AFG2B: variants seen among roughly 807,000 people sequenced by gnomAD.
The protein encoded by AFG2B is ATPase family gene 2 protein homolog B.
At chr15:45,409,462 T>G in the AFG2B span, among the ~76,000 whole-genome samples, 1 of 151,952 alleles carries the variant, frequency 6.6e-6, no homozygotes, top group Non-Finnish European at 1.5e-5. Flanking sequence ...AAGAATAAAT[T>G]GTTGCAGCTT....
chr15:45,407,251 C>T, the AFG2B span: 2 of 1,181,896 alleles, frequency 1.7e-6, no homozygotes, highest in Non-Finnish European at 2.1e-6. Flanking sequence ...TATTCTTTCC[C>T]CCACCAGCTG....
chr15:45,415,601 A>T, the AFG2B span: 1 of 1,613,994 alleles, frequency 6.2e-7, no homozygotes, highest in East Asian at 2.2e-5. Context: ...TTCGACAAGC[A>T]AGAGCAAGCA....
chr15:45,403,640 T>C, the AFG2B span: 1 of 1,254,226 alleles, frequency 8.0e-7, no homozygotes, highest in Non-Finnish European at 1.1e-6. Flanking sequence ...GAGTTGGGGC[T>C]CTTTGCAATG....
At chr15:45,416,489 C>A in the AFG2B span, among the ~76,000 whole-genome samples, 5 of 152,124 alleles carry the variant, frequency 3.3e-5, no homozygotes, top group African/African-American at 1.2e-4. Context: ...TCATTCTTTT[C>A]CTATTTTAAA....
At chr15:45,405,512 A>G in the AFG2B span, 37 of 1,609,880 alleles carry the variant, frequency 2.3e-5, no homozygotes, top group Middle Eastern at 3.4e-4. Flanking sequence ...GAAGGTAAGA[A>G]GTGTTAATTT....
the AFG2B span, chr15:45,414,642 C>T: frequency 1.2e-6 from 2 of 1,614,074 alleles, no homozygotes; most frequent in Non-Finnish European, 1.7e-6. Flanking sequence ...AGGGAGTTCT[C>T]CTCTATGGGC....
the AFG2B span, among the ~76,000 whole-genome samples, chr15:45,408,589 T>C: frequency 6.6e-6 from 1 of 152,228 alleles, no homozygotes; most frequent in South Asian, 2.1e-4. Context: ...AGAGTGTACA[T>C]TGGTTCCTCA....
At chr15:45,405,490 C>T in the AFG2B span, 7 of 1,612,920 alleles carry the variant, frequency 4.3e-6, no homozygotes, top group Non-Finnish European at 5.9e-6. Flanking sequence ...TGCATGCCCT[C>T]CTTCATAGTG....
chr15:45,409,698 A>C, the AFG2B span, among the ~76,000 whole-genome samples: 15 of 149,808 alleles, frequency 1.0e-4, no homozygotes, highest in South Asian at 2.7e-3. Context: ...GCATCTCTAC[A>C]AAAAAAAAAT....
chr15:45,403,703 C>T, the AFG2B span, among the ~76,000 whole-genome samples: 3 of 152,232 alleles, frequency 2.0e-5, no homozygotes, highest in Admixed American at 1.3e-4. Flanking sequence ...ACCTGTATTT[C>T]CCCAGAGTCA....
chr15:45,421,232 C>G, the AFG2B span: 1 of 1,542,518 alleles, frequency 6.5e-7, no homozygotes, highest in South Asian at 1.2e-5. Flanking sequence ...AACTCTTGTT[C>G]AGTTCACATT....
chr15:45,413,763 T>A, the AFG2B span, among the ~76,000 whole-genome samples: 3 of 152,218 alleles, frequency 2.0e-5, no homozygotes, highest in Admixed American at 6.5e-5. Context: ...ACACCGTTGC[T>A]CCTTGCTGGT....
At chr15:45,402,450 C>T in the AFG2B span, 9 of 1,604,584 alleles carry the variant, frequency 5.6e-6, no homozygotes, top group East Asian at 2.3e-5. Flanking sequence ...ACTCGGATCC[C>T]TTCCCTGAAG....
At chr15:45,409,712 TA>T in the AFG2B span, among the ~76,000 whole-genome samples, 3 of 149,690 alleles carry the variant, frequency 2.0e-5, no homozygotes, top group East Asian at 2.0e-4. Context: ...AAAAAATATA[TA>T]TATTTTTTTA....
the AFG2B span, chr15:45,415,994 TAATA>T: frequency 7.7e-6 from 3 of 387,944 alleles, no homozygotes; most frequent in East Asian, 1.2e-4. Context: ...GTACATTTTA[TAATA>T]AATTATCTTA....
chr15:45,416,015 A>G, the AFG2B span: 14 of 342,956 alleles, frequency 4.1e-5, no homozygotes, highest in Admixed American at 8.8e-5. Flanking sequence ...CTTAAATATA[A>G]GAATGTGAAT....
the AFG2B span, chr15:45,403,399 C>T: frequency 6.2e-7 from 1 of 1,610,664 alleles, no homozygotes; most frequent in African/African-American, 1.3e-5. Context: ...CGTAGTGGCC[C>T]AGGTGTTGAC....
At chr15:45,402,873 C>T in the AFG2B span, 1 of 1,598,468 alleles carries the variant, frequency 6.3e-7, no homozygotes, top group South Asian at 1.1e-5. Context: ...CCCTGGGCCA[C>T]GTGGTGGTCG....
the AFG2B span, among the ~76,000 whole-genome samples, chr15:45,406,073 G>A: frequency 6.6e-6 from 1 of 152,142 alleles, no homozygotes; most frequent in African/African-American, 2.4e-5. Flanking sequence ...ACAGTATGAT[G>A]ATCAAGCTGA....
Sources: allele counts gnomAD v4.1 joint callset (sites outside exome capture counted in the v4.1 genomes callset), GRCh38; gene constraint gnomAD v4.1.1; transcripts MANE v1.5; gene names NCBI Gene and HGNC (gene_info 2026-07-23, HGNC 2026-07-21).